Variants in TET2 observed in about 807,000 individuals in gnomAD.
TET2 encodes tet methylcytosine dioxygenase 2, also known as methylcytosine dioxygenase TET2.
TET2 carries 299 observed loss-of-function variants against 142.9 expected under a neutral mutation model. The observed-to-expected ratio is 2.09, with a 90% CI of 1.90 to 2.30. The LOEUF (loss-of-function observed/expected upper bound fraction) is 2.30, where lower values mean the gene tolerates loss of function less well. TET2 is among the 30% of genes most tolerant of loss of function. The pLI, the probability that TET2 is intolerant of heterozygous loss-of-function variation, is 0.00. For missense variants in TET2, 2,418 were observed against 2,378.0 expected, an observed-to-expected ratio of 1.02 and a Z score of -0.35; for synonymous variants, 819 against 849.0, an observed-to-expected ratio of 0.96 and a Z score of 0.61.
intron 6 of TET2, among the ~76,000 whole-genome samples, chr4:105,258,046 A>T (rs574648554): frequency 2.0e-5 from 3 of 152,292 alleles, no homozygotes; most frequent in African/African-American, 4.8e-5. Flanking sequence ...GCTGCTTTTC[A>T]TAATAAATGT....
intron 6 of TET2, among the ~76,000 whole-genome samples, chr4:105,250,501 G>A (rs553332035): frequency 6.7e-6 from 1 of 149,804 alleles, no homozygotes; most frequent in Non-Finnish European, 1.5e-5. Flanking sequence ...AGAGAGCTGG[G>A]GTTACAGGCA....
chr4:105,188,225 A>T (rs1725573561), intron 1 of TET2, among the ~76,000 whole-genome samples: 1 of 152,218 alleles, frequency 6.6e-6, no homozygotes, highest in Admixed American at 6.5e-5. Context: ...TAGAAAATAA[A>T]TGGATCTTGT....
intron 1 of TET2, among the ~76,000 whole-genome samples, chr4:105,167,706 T>A (rs1560719801): frequency 6.6e-6 from 1 of 152,178 alleles, no homozygotes; most frequent in Non-Finnish European, 1.5e-5. Context: ...TAGCAGTTCA[T>A]CCTGTACAGA....
chr4:105,210,152 A>G (rs910009109), intron 2 of TET2, among the ~76,000 whole-genome samples: 3 of 152,172 alleles, frequency 2.0e-5, no homozygotes, highest in African/African-American at 7.2e-5. Context: ...TGAAGTGCCT[A>G]TGGGACATAC....
intron 10 of TET2, among the ~76,000 whole-genome samples, chr4:105,274,113 C>T (rs1731086751): frequency 6.6e-6 from 1 of 152,166 alleles, no homozygotes; most frequent in Admixed American, 6.6e-5. Flanking sequence ...GTTGACTTAA[C>T]ACTAAGTAAA....
In TET2 at chr4:105,250,826, C is replaced by T. The variant is rs144190014; in HGVS notation, c.3803+7048C>T. Reference sequence around the variant, plus strand: ...CCTGCCTCAGCTGGAACTACAGGTGCGCGCCACCATGCCTGGCTAATTGTT... The same window carrying T: ...CCTGCCTCAGCTGGAACTACAGGTGTGCGCCACCATGCCTGGCTAATTGTT... On this transcript the variant is annotated intron_variant, in intron 6 of 10. Transcript: ENST00000380013. Among the ~76,000 whole-genome samples the T allele has an allele frequency of 2.3e-3, 349 of 151,994 alleles. 1 individual carries two copies. Among genetic ancestry groups the T allele is most frequent in the African/African-American group, 7.6e-3 (314 of 41,476 alleles).
chr4:105,152,637 A>G (rs1487648378), intron 1 of TET2, among the ~76,000 whole-genome samples: 1 of 123,616 alleles, frequency 8.1e-6, no homozygotes, highest in Non-Finnish European at 1.6e-5. Flanking sequence ...TTGCTCTGTC[A>G]CCTAGGCTGG....
intron 2 of TET2, among the ~76,000 whole-genome samples, chr4:105,216,554 T>A (rs997256988): frequency 3.9e-5 from 6 of 152,116 alleles, no homozygotes; most frequent in Non-Finnish European, 7.4e-5. Flanking sequence ...TTTAGGTTGT[T>A]GGTGATATTT....
chr4:105,267,358 T>C (rs1379814724), intron 8 of TET2, among the ~76,000 whole-genome samples: 1 of 151,996 alleles, frequency 6.6e-6, no homozygotes. Context: ...AAAAAAATGA[T>C]AACTTGCTAT....
At chr4:105,147,870 G>A in intron 1 of TET2, 1 of 188 alleles carries the variant, frequency 5.3e-3, no homozygotes, top group African/African-American at 0.042. Context: ...GGAGCGCAGC[G>A]TTGGAGTTGC....
At chr4:105,239,746 T>G in intron 3 of TET2, 1 of 230,192 alleles carries the variant, frequency 4.3e-6, no homozygotes, top group Non-Finnish European at 8.7e-6. Flanking sequence ...TTCCTTTACA[T>G]TCACAACTTG....
intron 2 of TET2, among the ~76,000 whole-genome samples, chr4:105,192,098 C>T (rs1429196674): frequency 6.6e-6 from 1 of 151,870 alleles, no homozygotes; most frequent in Non-Finnish European, 1.5e-5. Context: ...TGGAATTTTC[C>T]TCCTTAATGA....
At chr4:105,225,483 G>A (rs1477563148) in intron 2 of TET2, among the ~76,000 whole-genome samples, 2 of 152,024 alleles carry the variant, frequency 1.3e-5, no homozygotes, top group Admixed American at 6.6e-5. Context: ...ATGAACATTC[G>A]TTGTCAGCCT....
At chr4:105,263,839 A>G (rs1445754592) in intron 8 of TET2, among the ~76,000 whole-genome samples, 1 of 152,094 alleles carries the variant, frequency 6.6e-6, no homozygotes, top group Non-Finnish European at 1.5e-5. Context: ...GAACTGGGGG[A>G]GGGAGTAGAA....
chr4:105,275,885 A>G lies in TET2; in HGVS notation c.5375A>G (p.His1792Arg). The change falls in exon 11 of 11, where the codon CAC (histidine) becomes CGC (arginine). Residue 1792 changes from histidine to arginine, a missense_variant. Physicochemically the swap from His to Arg is conservative, Grantham distance 29. Coordinates refer to ENST00000380013, the MANE Select transcript of TET2 (RefSeq NM_001127208.3). ...LQNKENDMLSHTANGLSKMLP... is the reference protein window; with the variant it reads ...LQNKENDMLSRTANGLSKMLP... ...AACAAGGAGAATGACATGCTTTCCC[A>G]CACAGCTAATGGGTTATCAAAGATG... is the stretch of plus-strand genomic sequence containing the variant. The G allele has an allele frequency of 6.4e-7, 1 of 1,552,092 alleles. No individual in the cohort carries two copies. Among genetic ancestry groups the G allele is most frequent in the Non-Finnish European group, 8.7e-7 (1 of 1,147,042 alleles).
intron 3 of TET2, chr4:105,238,373 C>A (rs1330104746): frequency 2.9e-5 from 7 of 239,298 alleles, no homozygotes; most frequent in African/African-American, 1.3e-4. Context: ...CAAAAGATTT[C>A]TCTGTAGCAT....
chr4:105,258,383 T>C (rs186804267), intron 6 of TET2, among the ~76,000 whole-genome samples: 1 of 152,284 alleles, frequency 6.6e-6, no homozygotes, highest in East Asian at 1.9e-4. Context: ...TCATCAACCG[T>C]TAGTTACCAT....
At chr4:105,270,277 C>T (rs2110302141) in intron 9 of TET2, among the ~76,000 whole-genome samples, 1 of 152,330 alleles carries the variant, frequency 6.6e-6, no homozygotes, top group South Asian at 2.1e-4. Context: ...GCATAACTAG[C>T]ACTCTCATGA....
At chr4:105,186,473 C>CTTTTTTTTTTTTTTTT (rs1224419124) in intron 1 of TET2, among the ~76,000 whole-genome samples, 2 of 115,104 alleles carry the variant, frequency 1.7e-5, no homozygotes, top group Non-Finnish European at 3.6e-5. Context: ...TTTGCATTTT[C>CTTTTTTTTTTTTTTTT]TTTTTTTTTT....
Sources: allele counts gnomAD v4.1 joint callset (sites outside exome capture counted in the v4.1 genomes callset), GRCh38; gene constraint gnomAD v4.1.1; transcripts MANE v1.5; gene names NCBI Gene and HGNC (gene_info 2026-07-23, HGNC 2026-07-21).